Variants in IGSF9B observed in about 807,000 individuals in gnomAD.
The protein encoded by IGSF9B is protein turtle homolog B.
In IGSF9B, 48 loss-of-function variants were observed where a neutral mutation model predicts 143.7. The ratio of observed to expected loss-of-function variants is 0.33; its 90% CI spans 0.26 to 0.42. IGSF9B has a LOEUF of 0.42. Ranked by LOEUF, IGSF9B falls within the 20% of genes least tolerant of loss-of-function variation. The pLI is 1.00. For missense variants in IGSF9B, 1,706 were observed against 1,980.0 expected (o/e 0.86, Z 2.63); for synonymous variants, 903 against 833.1 (o/e 1.08, Z -1.44).
intron 12 of IGSF9B, among the ~76,000 whole-genome samples, chr11:133,929,291 G>T (rs544847153): frequency 1.3e-5 from 2 of 152,284 alleles, no homozygotes; most frequent in South Asian, 4.1e-4. Context: ...AAAAAAATTA[G>T]TCTAAAAACT....
rs1940191599 is a variant in IGSF9B at position 133,953,004 on chromosome 11, C to T, written c.64+3687G>A. On this transcript the variant is annotated intron_variant, in intron 1 of 19. Transcript: ENST00000533871. The surrounding 1 kb of genome is among the most constrained non-coding windows in gnomAD (Gnocchi z 4.2). Reference sequence around the variant, plus strand: ...AGCTACCTTAAATCTCAGGCCCAGCCCTCTTTGGAGCTTATCTCCCACCCC... The same window carrying T: ...AGCTACCTTAAATCTCAGGCCCAGCTCTCTTTGGAGCTTATCTCCCACCCC... Among the ~76,000 whole-genome samples the T allele has an allele frequency of 1.3e-5, 2 of 152,152 alleles. No individual in the cohort carries two copies. The highest frequency in any genetic ancestry group is 6.5e-5 in the Admixed American group (1 of 15,290).
Position 133,907,616 on chromosome 11 carries a change from G to C in IGSF9B, c.*1453C>G, listed in dbSNP as rs1476514436. 1.3e-5 allele frequency among the ~76,000 whole-genome samples: 2 copies of C among 152,228 alleles called. No homozygotes were observed. Among genetic ancestry groups the C allele is most frequent in the African/African-American group, 2.4e-5 (1 of 41,468 alleles). ...CAGCACCATATCTTACCGGCAGAGA[G>C]ACATCTTAGTGGGAAGATGATCTCA... On this transcript the variant is annotated 3_prime_UTR_variant, in exon 20 of 20. Transcript: ENST00000533871.
rs1258869484 is a variant in IGSF9B, at chr11:133,906,265, C to A, written c.*2804G>T. ...CGCTGTCACACATGCCCACACCCAG[C>A]ACCTAAACTTGTGCCTGTGACATCT... On this transcript the variant is annotated 3_prime_UTR_variant, in exon 20 of 20. Transcript: ENST00000533871. Among the ~76,000 whole-genome samples the A allele has an allele frequency of 6.6e-6, 1 of 152,238 alleles. No homozygotes were observed. Among genetic ancestry groups the A allele is most frequent in the Non-Finnish European group, 1.5e-5 (1 of 68,046 alleles).
chr11:133,950,929 CTAA>C (rs1793128263), intron 1 of IGSF9B, among the ~76,000 whole-genome samples: 1 of 152,104 alleles, frequency 6.6e-6, no homozygotes, highest in Admixed American at 6.6e-5. Context: ...GGCCTGTTGT[CTAA>C]TAATACCAGC....
intron 2 of IGSF9B, 45 bp from the exon 3 acceptor site, chr11:133,944,411 G>A: frequency 6.2e-7 from 1 of 1,601,452 alleles, no homozygotes; most frequent in South Asian, 1.1e-5. Context: ...CATCAGGTAA[G>A]GACAGCAGCT....
At position 133,945,843 on chromosome 11, in the gene IGSF9B, G is replaced by A. The variant is rs1465636495; in HGVS notation, c.262+218C>T. 1.3e-5 allele frequency among the ~76,000 whole-genome samples: 2 copies of A among 152,030 alleles called. No homozygotes were observed. Among genetic ancestry groups the A allele is most frequent in the Admixed American group, 6.5e-5 (1 of 15,274 alleles). On this transcript the variant is annotated intron_variant, in intron 2 of 19. Transcript: ENST00000533871. This position sits in a 1 kb window ranked among gnomAD's most constrained non-coding sequence, Gnocchi z 4.6. ...GCTCCCAGCCCTCTCCACAGCCCAG[G>A]CGGTGCTGTTCAGAAGGCTTTACCC...
At position 133,907,259 on chromosome 11, in the gene IGSF9B, TG is replaced by T; in HGVS notation, c.*1809del. Among the ~76,000 whole-genome samples, 1 of 151,988 alleles carries T rather than the reference TG, an allele frequency of 6.6e-6. No homozygotes were observed. The highest frequency in any genetic ancestry group is 2.4e-5 in the African/African-American group (1 of 41,460). ...GGGTGAAAGGAAGGACCAGGGCCGG[TG>T]TGGCACAGAAGAAGTCCATCCCCTA... On this transcript the variant is annotated 3_prime_UTR_variant, in exon 20 of 20. Transcript: ENST00000533871.
In IGSF9B at chr11:133,937,855, G is replaced by C; in HGVS notation, c.516C>G (p.Thr172=). The change falls in exon 4 of 20, where the codon ACC becomes ACG. Residue 172 remains threonine, a synonymous_variant. Coordinates refer to ENST00000533871, the MANE Select transcript of IGSF9B (RefSeq NM_001277285.4). ...TAFGNPKPIV[T]WLKEGTLLGA... ...CGAGGAGCGTCCCCTCCTTGAGCCA[G>C]GTGACAATGGGCTTGGGGTTCCCAA... 1 of 1,611,354 alleles carries C rather than the reference G, an allele frequency of 6.2e-7. No homozygotes were observed. Among genetic ancestry groups the C allele is most frequent in the Non-Finnish European group, 8.5e-7 (1 of 1,178,726 alleles).
chr11:133,912,650 T>C (rs1939319416), intron 18 of IGSF9B, among the ~76,000 whole-genome samples: 1 of 152,030 alleles, frequency 6.6e-6, no homozygotes, highest in Non-Finnish European at 1.5e-5. Flanking sequence ...GAGGCTCAGC[T>C]CTCCTCGGCC....
At position 133,901,207 on chromosome 11, in the gene IGSF9B, A is replaced by G. The variant is rs1254345494; in HGVS notation, c.*7862T>C. ...TGGGTTATTTGTTTTGTTATTTTAC[A>G]AACTTTTCATATATACACATTTCCA... is the stretch of plus-strand genomic sequence containing the variant. On this transcript the variant is annotated 3_prime_UTR_variant, in exon 20 of 20. Coordinates refer to ENST00000533871, the MANE Select transcript of IGSF9B (RefSeq NM_001277285.4). 6.6e-6 allele frequency: 1 copy of G among 152,210 alleles called. No individual in the cohort carries two copies. The highest frequency in any genetic ancestry group is 2.4e-5 in the African/African-American group (1 of 41,436). 9.4% of individuals were successfully genotyped at this position (152,210 alleles called of 1,614,324 possible).
Position 133,937,933 on chromosome 11 carries a change from G to A in IGSF9B, c.438C>T (p.Pro146=). The A allele has an allele frequency of 6.2e-7, 1 of 1,613,464 alleles. No homozygotes were observed. Among genetic ancestry groups the A allele is most frequent in the Non-Finnish European group, 8.5e-7 (1 of 1,179,696 alleles). ...NAPPTFTETP[P]QYIEAKEGGS... ...CACCCTCCTTGGCCTCGATGTACTG[G>A]GGGGGTGTTTCTGTAAAGGTGGGAG... The change falls in exon 4 of 20, where the codon CCC becomes CCT. Residue 146 remains proline (P), a synonymous_variant. Transcript: ENST00000533871.
intron 15 of IGSF9B, 104 bp from the exon 16 acceptor site, chr11:133,922,834 C>T: frequency 8.8e-7 from 1 of 1,142,814 alleles, no homozygotes; most frequent in Middle Eastern, 2.9e-4. Flanking sequence ...GTAGAACAGA[C>T]AGTGTCAAGG....
rs1591714233 is a variant in IGSF9B at position 133,924,868 on chromosome 11, G to C, written c.2071C>G (p.Gln691Glu). 3.1e-6 allele frequency: 5 copies of C among 1,613,740 alleles called. No homozygotes were observed. Among genetic ancestry groups the C allele is most frequent in the South Asian group, 1.1e-5 (1 of 91,078 alleles). Residue 691 changes from glutamine (Q) to glutamate (E), a missense_variant, in exon 15 of 20, where the codon CAG becomes GAG. Coordinates refer to ENST00000533871, the MANE Select transcript of IGSF9B (RefSeq NM_001277285.4). Reference protein sequence around the residue: ...WYEFRVLAVMQDLISEPSNIA... With the variant: ...WYEFRVLAVMEDLISEPSNIA... ...TTGCTGGGCTCGCTGATCAGATCCT[G>C]CATGACGGCCAGAACCCGGAACTCA...
Position 133,913,390 on chromosome 11 carries a change from G to T in IGSF9B, c.3984-1383C>A, listed in dbSNP as rs1939330010. Among the ~76,000 whole-genome samples, 1 of 152,140 alleles carries T rather than the reference G, an allele frequency of 6.6e-6. No homozygotes were observed. The highest frequency in any genetic ancestry group is 2.4e-5 in the African/African-American group (1 of 41,436). On this transcript the variant is annotated intron_variant, in intron 18 of 19. Coordinates refer to ENST00000533871, the MANE Select transcript of IGSF9B (RefSeq NM_001277285.4). This position sits in a 1 kb window ranked among gnomAD's most constrained non-coding sequence, Gnocchi z 4.6. ...TCTTCTCCCCAGCATCAAATATGTT[G>T]GCAGCAAGGCGGGAAGAGGAGACTT...
At chr11:133,921,860 G>A (rs1356677445) in intron 17 of IGSF9B, among the ~76,000 whole-genome samples, 1 of 152,146 alleles carries the variant, frequency 6.6e-6, no homozygotes, top group African/African-American at 2.4e-5. Flanking sequence ...ACATATTAAG[G>A]AGGCAAATCT....
At chr11:133,915,728 G>A (rs917430877) in intron 18 of IGSF9B, among the ~76,000 whole-genome samples, 1 of 152,164 alleles carries the variant, frequency 6.6e-6, no homozygotes. Flanking sequence ...TTAGCTCAGC[G>A]CCCAGGAGCT....
At chr11:133,956,650 C>G in intron 1 of IGSF9B, 41 bp downstream of exon 1, 1 of 1,411,498 alleles carries the variant, frequency 7.1e-7, no homozygotes, top group East Asian at 2.9e-5. Context: ...GGGCCGAGGG[C>G]GCCGGGAGGG....
rs762838458 is a variant in IGSF9B, at chr11:133,944,386, A to C, written c.263-20T>G. 5 of 1,611,832 alleles carry C rather than the reference A, an allele frequency of 3.1e-6. No homozygotes were observed. Among genetic ancestry groups the C allele is most frequent in the Non-Finnish European group, 3.4e-6 (4 of 1,179,612 alleles). On this transcript the variant is annotated intron_variant, in intron 2 of 19. Transcript: ENST00000533871. ...CCCGGCCTGGGGGAATAGAGCAGAC[A>C]AAAGCCCCACAGGCCATCAGGTAAG... is the stretch of plus-strand genomic sequence containing the variant.
intron 15 of IGSF9B, among the ~76,000 whole-genome samples, chr11:133,924,383 AAAC>A (rs1429447773): frequency 6.6e-6 from 1 of 152,196 alleles, no homozygotes; most frequent in Non-Finnish European, 1.5e-5. Context: ...GGAAAACACC[AAAC>A]AACAATTTTC....
Sources: gnomAD v4.1 joint callset for allele counts (sites outside exome capture counted in the v4.1 genomes callset) on GRCh38, gnomAD v4.1.1 for gene constraint, Gnocchi (gnomAD v3.1) non-coding constraint, MANE v1.5 for transcripts, NCBI Gene and HGNC (gene_info 2026-07-23, HGNC 2026-07-21) for gene names.